The following SV2C variants were observed in gnomAD, a reference collection of about 807,000 sequenced individuals.
SV2C encodes synaptic vesicle glycoprotein 2C.
In SV2C, 49 loss-of-function variants were observed where a neutral mutation model predicts 79.7. That is an observed-to-expected ratio of 0.61 (90% CI 0.49 to 0.78). The LOEUF (loss-of-function observed/expected upper bound fraction) is 0.78, where lower values mean the gene tolerates loss of function less well. SV2C is among the 30% of genes least tolerant of loss of function. The pLI, the probability that SV2C is intolerant of heterozygous loss-of-function variation, is 0.00. For missense variants in SV2C, 833 were observed against 912.9 expected (o/e 0.91, Z 1.13); for synonymous variants, 334 against 333.2 (o/e 1.00, Z -0.03).
the SV2C span, among the ~76,000 whole-genome samples, chr5:76,036,411 C>A: frequency 2.6e-5 from 4 of 152,116 alleles, no homozygotes; most frequent in South Asian, 6.3e-4. Context: ...TTTAGTGCTT[C>A]CTTCAGGAGC....
chr5:75,954,841 T>C, the SV2C span, among the ~76,000 whole-genome samples: 5 of 142,674 alleles, frequency 3.5e-5, no homozygotes, highest in South Asian at 2.2e-4. Flanking sequence ...TTACAAGGGA[T>C]GTGAAGGACC....
the SV2C span, among the ~76,000 whole-genome samples, chr5:75,996,153 AT>A: frequency 1.3e-5 from 2 of 152,160 alleles, no homozygotes; most frequent in African/African-American, 4.8e-5. Flanking sequence ...TCTTGAATTA[AT>A]TTTTGTATAA....
chr5:76,039,704 T>A, the SV2C span, among the ~76,000 whole-genome samples: 1 of 139,250 alleles, frequency 7.2e-6, no homozygotes, highest in Non-Finnish European at 1.5e-5. Flanking sequence ...TGCAGTGAAC[T>A]AAGATCATGC....
the SV2C span, among the ~76,000 whole-genome samples, chr5:75,997,231 T>TG: frequency 1.3e-5 from 2 of 152,158 alleles, no homozygotes; most frequent in Admixed American, 6.5e-5. Flanking sequence ...TTTCTGCATG[T>TG]TTGAGATAAT....
At chr5:76,339,641 G>C (rs1749401474) in intron 12 of SV2C, among the ~76,000 whole-genome samples, 1 of 151,566 alleles carries the variant, frequency 6.6e-6, no homozygotes. Flanking sequence ...GTGAACCTGG[G>C]AGGCGGAGCT....
chr5:76,292,541 T>C (rs1000370295), intron 8 of SV2C, among the ~76,000 whole-genome samples: 1 of 152,178 alleles, frequency 6.6e-6, no homozygotes, highest in Non-Finnish European at 1.5e-5. Context: ...TTCTGGAAGC[T>C]GAGGTGAAGG....
Position 76,332,402 on chromosome 5 carries a change from C to T in SV2C, c.*6855C>T, listed in dbSNP as rs73764332. On this transcript the variant is annotated 3_prime_UTR_variant, in exon 13 of 13. Coordinates refer to ENST00000502798, the MANE Select transcript of SV2C (RefSeq NM_014979.4). ...TGGAATAGCTTTGAACCGGTTCATC[C>T]GAACTGATTGTTAAACTTTCAGAAC... 8.6e-5 allele frequency: 13 copies of T among 151,898 alleles called. No homozygotes were observed. Among genetic ancestry groups the T allele is most frequent in the Admixed American group, 4.6e-4 (7 of 15,260 alleles). 9.4% of individuals were successfully genotyped at this position (151,898 alleles called of 1,614,324 possible).
At chr5:75,893,534 T>G in the SV2C span, among the ~76,000 whole-genome samples, 1 of 152,034 alleles carries the variant, frequency 6.6e-6, no homozygotes, top group Non-Finnish European at 1.5e-5. Context: ...AAGTGAGAGA[T>G]AAACATTGGG....
At chr5:76,351,210 C>T (rs924322110) in intron 12 of SV2C, among the ~76,000 whole-genome samples, 2 of 152,152 alleles carry the variant, frequency 1.3e-5, no homozygotes, top group Admixed American at 1.3e-4. Context: ...GTTTGTTAAG[C>T]TGAGGTAGAA....
intron 2 of SV2C, among the ~76,000 whole-genome samples, chr5:76,137,618 G>A (rs1749110977): frequency 6.6e-6 from 1 of 152,134 alleles, no homozygotes; most frequent in Admixed American, 6.6e-5. Flanking sequence ...AGGGGTTAGA[G>A]AGTCTTTCGG....
chr5:76,015,046 A>G, the SV2C span, among the ~76,000 whole-genome samples: 1 of 152,158 alleles, frequency 6.6e-6, no homozygotes, highest in African/African-American at 2.4e-5. Context: ...TTTCCCTTGT[A>G]GTTAAGGTTG....
chr5:76,271,148 C>T (rs533181499), intron 4 of SV2C, among the ~76,000 whole-genome samples: 5 of 152,200 alleles, frequency 3.3e-5, no homozygotes, highest in South Asian at 2.1e-4. Flanking sequence ...AAAAATTAAA[C>T]GATTCCATTT....
chr5:76,348,918 G>C (rs1749593067), intron 12 of SV2C, among the ~76,000 whole-genome samples: 1 of 149,308 alleles, frequency 6.7e-6, no homozygotes, highest in African/African-American at 2.6e-5. Context: ...AGAACAGCTT[G>C]AACCCAGGAG....
intron 1 of SV2C, among the ~76,000 whole-genome samples, chr5:76,093,889 A>G (rs1029887044): frequency 1.3e-5 from 2 of 152,242 alleles, no homozygotes; most frequent in African/African-American, 4.8e-5. Context: ...GGAACTTCCC[A>G]TATTTATTTT....
chr5:76,310,696 C>T (rs1372633460), intron 12 of SV2C, among the ~76,000 whole-genome samples: 1 of 152,144 alleles, frequency 6.6e-6, no homozygotes, highest in East Asian at 1.9e-4. Context: ...AAGAGAGAGA[C>T]CTGGAATAGT....
intron 3 of SV2C, among the ~76,000 whole-genome samples, chr5:76,206,860 A>G (rs1433482778): frequency 6.6e-6 from 1 of 152,236 alleles, no homozygotes; most frequent in Admixed American, 6.5e-5. Context: ...AGAAATGTGA[A>G]TGCTTGGATT....
chr5:76,172,165 G>A (rs1432717866), intron 2 of SV2C, among the ~76,000 whole-genome samples: 4 of 29,072 alleles, frequency 1.4e-4, no homozygotes, highest in South Asian at 1.7e-3. Flanking sequence ...GGTGAGGGGC[G>A]CCTCTGCCCG....
intron 1 of SV2C, among the ~76,000 whole-genome samples, chr5:76,090,824 T>C (rs1053620478): frequency 6.6e-6 from 1 of 152,168 alleles, no homozygotes; most frequent in Non-Finnish European, 1.5e-5. Flanking sequence ...AGGAGAAATA[T>C]CTGAGATGTT....
At chr5:75,891,979 T>C in the SV2C span, among the ~76,000 whole-genome samples, 1 of 152,044 alleles carries the variant, frequency 6.6e-6, no homozygotes, top group Non-Finnish European at 1.5e-5. Context: ...CCCAGCAAAA[T>C]CTGATCACCT....
Sources: allele counts gnomAD v4.1 joint callset (sites outside exome capture counted in the v4.1 genomes callset), GRCh38; gene constraint gnomAD v4.1.1; transcripts MANE v1.5; gene names NCBI Gene and HGNC (gene_info 2026-07-23, HGNC 2026-07-21).